The following FBRSL1 variants were observed in gnomAD, a reference collection of about 807,000 sequenced individuals.
FBRSL1 encodes the protein fibrosin like 1.
FBRSL1 carries 51 observed loss-of-function variants against 89.6 expected under a neutral mutation model. The observed-to-expected ratio is 0.57, with a 90% CI of 0.45 to 0.72. The LOEUF (loss-of-function observed/expected upper bound fraction) is 0.72, where lower values mean the gene tolerates loss of function less well. FBRSL1 is among the 30% of genes least tolerant of loss of function. The pLI, the probability that FBRSL1 is intolerant of heterozygous loss-of-function variation, is 0.00. For synonymous variants in FBRSL1, 779 were observed against 681.1 expected (o/e 1.14, Z -2.24); for missense variants, 1,618 against 1,451.8 (o/e 1.11, Z -1.86).
intron 15 of FBRSL1, among the ~76,000 whole-genome samples, chr12:132,579,711 AC>A (rs1315547798): frequency 6.6e-6 from 1 of 152,064 alleles, no homozygotes; most frequent in Non-Finnish European, 1.5e-5. Context: ...CCTGTGCTGC[AC>A]CTGGCAGGTT....
At chr12:132,582,312 C>A in intron 18 of FBRSL1, 46 bp downstream of exon 18, 3 of 1,490,210 alleles carry the variant, frequency 2.0e-6, no homozygotes, top group Non-Finnish European at 2.7e-6. Context: ...ACCCCTACCC[C>A]GTTCTTTCCC....
intron 5 of FBRSL1, among the ~76,000 whole-genome samples, chr12:132,559,702 G>A (rs2038949103): frequency 6.6e-6 from 1 of 152,156 alleles, no homozygotes; most frequent in Non-Finnish European, 1.5e-5. Context: ...CCCGGCTGTC[G>A]CCCTTTCTGA....
chr12:132,513,415 G>A (rs1252740897), intron 2 of FBRSL1, among the ~76,000 whole-genome samples: 2 of 152,110 alleles, frequency 1.3e-5, no homozygotes, highest in African/African-American at 2.4e-5. Context: ...GGATGGAGGT[G>A]TCTTCCGGGG....
chr12:132,542,080 G>A (rs1261879693), intron 4 of FBRSL1, among the ~76,000 whole-genome samples: 1 of 152,248 alleles, frequency 6.6e-6, no homozygotes, highest in Non-Finnish European at 1.5e-5. Flanking sequence ...CACATGCCAC[G>A]TACAGACATT....
chr12:132,505,941 T>C (rs2033633471), intron 1 of FBRSL1, among the ~76,000 whole-genome samples: 1 of 152,244 alleles, frequency 6.6e-6, no homozygotes. Context: ...GGGAATGGCC[T>C]CTGTTCTCTG....
rs561202509 is a variant in FBRSL1, at chr12:132,570,071, C to T, written c.837C>T (p.Pro279=). 619 of 1,491,226 alleles carry T rather than the reference C, an allele frequency of 4.2e-4. 4 individuals carry two copies. The highest frequency in any genetic ancestry group is 2.9e-3 in the South Asian group (227 of 79,548). 92.4% of individuals were successfully genotyped at this position (1,491,226 alleles called of 1,614,324 possible). ...CCGCGCCCTGCCCGGGGCCCCCGCC[C>T]GGCTCCCGCGCCAATCCCTTGGTGA... is the stretch of plus-strand genomic sequence containing the variant. ...PHAAPCPGPP[P]GSRANPLVKK... Residue 279 remains proline, a synonymous_variant, in exon 7 of 19, where the codon CCC becomes CCT. Transcript: ENST00000680143.
intron 5 of FBRSL1, among the ~76,000 whole-genome samples, chr12:132,564,231 C>G (rs978402331): frequency 5.3e-5 from 8 of 152,212 alleles, no homozygotes; most frequent in Non-Finnish European, 8.8e-5. Context: ...CACCAGGCCC[C>G]GGTGGACCCT....
At chr12:132,557,519 C>T (rs764429055) in intron 5 of FBRSL1, among the ~76,000 whole-genome samples, 5 of 152,186 alleles carry the variant, frequency 3.3e-5, no homozygotes, top group Admixed American at 6.5e-5. Flanking sequence ...GGGTTTTCGG[C>T]CCCGTTGACC....
At chr12:132,526,448 G>T (rs2035797159) in intron 3 of FBRSL1, among the ~76,000 whole-genome samples, 1 of 152,242 alleles carries the variant, frequency 6.6e-6, no homozygotes. Flanking sequence ...CAATGCAGCA[G>T]CTGGGGCTGA....
chr12:132,528,094 G>A (rs559106558), intron 4 of FBRSL1, 106 bp downstream of exon 4: 957 of 1,015,998 alleles, frequency 9.4e-4, no homozygotes, highest in Non-Finnish European at 1.3e-3. Flanking sequence ...CCCCAGTCCC[G>A]TGCCCGCTTT....
chr12:132,572,203 CCCAGCCCGGCCAGG>C, intron 9 of FBRSL1, 71 bp from the exon 10 acceptor site: 1 of 1,307,312 alleles, frequency 7.6e-7, no homozygotes, highest in Non-Finnish European at 1.1e-6. Context: ...CCTGTCACTG[CCCAGCCCGGCCAGG>C]TGGGCGGGGC....
At position 132,564,803 on chromosome 12, in the gene FBRSL1, G is replaced by T. The variant is rs559352449; in HGVS notation, c.646-2678G>T. On this transcript the variant is annotated intron_variant, in intron 5 of 18. Transcript: ENST00000680143. ...CGCCACCACGCCCGGCTAATTTTTT[G>T]TATTTTTAGTAGAGACGGGGTTTCA... 2.7e-5 allele frequency among the ~76,000 whole-genome samples: 4 copies of T among 145,614 alleles called. 1 individual carries two copies. The East Asian group carries it at 8.5e-4, about 31-fold the overall frequency.
chr12:132,583,822 C>T lies in FBRSL1; in HGVS notation c.*44C>T, dbSNP rs1279720617. 3 of 1,107,998 alleles carry T rather than the reference C, an allele frequency of 2.7e-6. No individual in the cohort carries two copies. The highest frequency in any genetic ancestry group is 1.6e-5 in the African/African-American group (1 of 61,228). 68.6% of individuals were successfully genotyped at this position (1,107,998 alleles called of 1,614,324 possible). ...CTCTCCGAGCGGAGCGCACCGCTGTCCGTCTCTCCATCAGTTCCTAGAACT... is the reference window on the plus strand; with the variant it reads ...CTCTCCGAGCGGAGCGCACCGCTGTTCGTCTCTCCATCAGTTCCTAGAACT... On this transcript the variant is annotated 3_prime_UTR_variant, in exon 19 of 19. Coordinates refer to ENST00000680143, the MANE Select transcript of FBRSL1 (RefSeq NM_001367871.1).
In FBRSL1 at chr12:132,499,754, C is replaced by T. The variant is rs555097646; in HGVS notation, c.292-8399C>T. On this transcript the variant is annotated intron_variant, in intron 1 of 18. Coordinates refer to ENST00000680143, the MANE Select transcript of FBRSL1 (RefSeq NM_001367871.1). The surrounding 1 kb of genome is among the most constrained non-coding windows in gnomAD (Gnocchi z 4.3). ...GGGGCGCTGCGCAGCACCTAAACTC[C>T]GTGAGATCAGGTGCTCTGGGGACTC... 8.5e-5 allele frequency among the ~76,000 whole-genome samples: 13 copies of T among 152,174 alleles called. No individual in the cohort carries two copies. The highest frequency in any genetic ancestry group is 2.1e-4 in the South Asian group (1 of 4,822).
rs370987269 is a variant in FBRSL1, at chr12:132,499,989, G to A, written c.292-8164G>A. Reference sequence around the variant, plus strand: ...GGCTGGGTGGGCTACTGGGCTCTCCGCAGCCCAGACAGGTGTGAAGGTCTC... The same window carrying A: ...GGCTGGGTGGGCTACTGGGCTCTCCACAGCCCAGACAGGTGTGAAGGTCTC... On this transcript the variant is annotated intron_variant, in intron 1 of 18. Coordinates refer to ENST00000680143, the MANE Select transcript of FBRSL1 (RefSeq NM_001367871.1). This position sits in a 1 kb window ranked among gnomAD's most constrained non-coding sequence, Gnocchi z 4.3. 3.3e-5 allele frequency among the ~76,000 whole-genome samples: 5 copies of A among 152,224 alleles called. No homozygotes were observed. Among genetic ancestry groups the A allele is most frequent in the African/African-American group, 7.2e-5 (3 of 41,534 alleles).
At position 132,583,806 on chromosome 12, in the gene FBRSL1, CGGAGCGCACCGCT is replaced by C; in HGVS notation, c.*30_*42del. ...CCGGGGCCGCAGACGCCTCTCCGAG[CGGAGCGCACCGCT>C]GTCCGTCTCTCCATCAGTTCCTAGA... On this transcript the variant is annotated 3_prime_UTR_variant, in exon 19 of 19. Transcript: ENST00000680143. 6 of 1,159,744 alleles carry C rather than the reference CGGAGCGCACCGCT, an allele frequency of 5.2e-6. No homozygotes were observed. Among genetic ancestry groups the C allele is most frequent in the Non-Finnish European group, 6.4e-6 (6 of 930,322 alleles). 71.8% of individuals were successfully genotyped at this position (1,159,744 alleles called of 1,614,324 possible). A position where few individuals can be genotyped will look rare whatever the true frequency, so the allele number is the denominator to read the frequency against.
intron 16 of FBRSL1, 47 bp from the exon 17 acceptor site, chr12:132,581,694 G>T (rs3751306): frequency 0.13 from 199,001 of 1,538,466 alleles, 14,498 homozygotes; most frequent in African/African-American, 0.28. Context: ...GGTGGGAGCC[G>T]CAGCCCACGC....
chr12:132,503,139 T>C (rs1473816197), intron 1 of FBRSL1, among the ~76,000 whole-genome samples: 3 of 35,316 alleles, frequency 8.5e-5, no homozygotes, highest in African/African-American at 3.4e-4. Context: ...GCCCTGACCC[T>C]ACCTCCTTGC....
chr12:132,581,138 G>C (rs2040715609), intron 15 of FBRSL1: 1 of 985,460 alleles, frequency 1.0e-6, no homozygotes, highest in Non-Finnish European at 1.2e-6. Flanking sequence ...CTTGGACTTT[G>C]TCTCTGCCCA....
Sources: allele counts gnomAD v4.1 joint callset (sites outside exome capture counted in the v4.1 genomes callset), GRCh38; gene constraint gnomAD v4.1.1; non-coding constraint Gnocchi (gnomAD v3.1); transcripts MANE v1.5; gene names NCBI Gene and HGNC (gene_info 2026-07-23, HGNC 2026-07-21).